Variants in LRRC4C observed in about 807,000 individuals in gnomAD.
The protein encoded by LRRC4C is leucine-rich repeat-containing protein 4C.
LRRC4C carries 5 observed loss-of-function variants against 33.6 expected under a neutral mutation model. The ratio of observed to expected loss-of-function variants is 0.15; its 90% CI spans 0.08 to 0.31. The LOEUF (loss-of-function observed/expected upper bound fraction) is 0.31, where lower values mean the gene tolerates loss of function less well. Ranked by LOEUF, LRRC4C falls within the 10% of genes least tolerant of loss-of-function variation. LRRC4C has a pLI of 1.00. For missense variants in LRRC4C, 560 were observed against 796.7 expected, an observed-to-expected ratio of 0.70 and a Z score of 3.58; for synonymous variants, 329 against 302.0, an observed-to-expected ratio of 1.09 and a Z score of -0.93.
intron 1 of LRRC4C, among the ~76,000 whole-genome samples, chr11:41,154,782 G>T (rs1219327977): frequency 6.6e-6 from 1 of 152,064 alleles, no homozygotes; most frequent in Non-Finnish European, 1.5e-5. Flanking sequence ...TATTCATTGG[G>T]ACTCGTTTTC....
intron 1 of LRRC4C, among the ~76,000 whole-genome samples, chr11:41,370,204 A>G (rs1467382717): frequency 6.6e-6 from 1 of 152,094 alleles, no homozygotes; most frequent in African/African-American, 2.4e-5. Context: ...TTTTTGGGAT[A>G]GGGTCTCACT....
intron 3 of LRRC4C, among the ~76,000 whole-genome samples, chr11:40,450,883 G>A (rs769760981): frequency 7.3e-5 from 11 of 151,498 alleles, no homozygotes; most frequent in East Asian, 1.9e-4. Flanking sequence ...GCAAACATGT[G>A]GAAGTTAAAC....
At chr11:40,745,677 A>T (rs1278155687) in intron 2 of LRRC4C, among the ~76,000 whole-genome samples, 1 of 152,186 alleles carries the variant, frequency 6.6e-6, no homozygotes, top group Non-Finnish European at 1.5e-5. Context: ...ATGTATATTT[A>T]CATGAGAAAT....
At chr11:41,353,132 T>C (rs1952041270) in intron 1 of LRRC4C, among the ~76,000 whole-genome samples, 2 of 151,846 alleles carry the variant, frequency 1.3e-5, no homozygotes, top group Admixed American at 6.6e-5. Flanking sequence ...GGCTGTTAAA[T>C]AGACTAATAA....
chr11:40,750,896 C>T (rs550217118), intron 2 of LRRC4C, among the ~76,000 whole-genome samples: 9 of 151,472 alleles, frequency 5.9e-5, no homozygotes, highest in Admixed American at 2.0e-4. Flanking sequence ...ACCAAATTTA[C>T]AGCACATCGA....
rs536111711 is a variant in LRRC4C at position 41,445,866 on chromosome 11, A to ATGTGTGTGTGTGTC, written c.-496+13564_-496+13565insGACACACACACACA. 4.5e-3 allele frequency among the ~76,000 whole-genome samples: 678 copies of ATGTGTGTGTGTGTC among 149,842 alleles called. 1 individual carries two copies. Among genetic ancestry groups the ATGTGTGTGTGTGTC allele is most frequent in the Non-Finnish European group, 6.6e-3 (446 of 67,552 alleles). On this transcript the variant is annotated intron_variant, in intron 1 of 6. Transcript: ENST00000528697. ...ACAGTGTGTATGAATGAGTGACTGC[A>ATGTGTGTGTGTGTC]TGTGTGTGTGTGTGTGTGTGTGTGT...
intron 3 of LRRC4C, chr11:40,351,541 C>T (rs1203332098): frequency 6.6e-6 from 1 of 150,988 alleles, no homozygotes; most frequent in Non-Finnish European, 1.5e-5. Flanking sequence ...CTGTCTCTCT[C>T]TTTAGCTCTA....
chr11:40,298,086 C>T (rs1382752607), intron 4 of LRRC4C, among the ~76,000 whole-genome samples: 6 of 152,166 alleles, frequency 3.9e-5, no homozygotes, highest in African/African-American at 1.2e-4. Context: ...GAAAGACCTA[C>T]ATTTTTTGGT....
intron 1 of LRRC4C, among the ~76,000 whole-genome samples, chr11:41,338,527 A>T (rs962484021): frequency 6.6e-6 from 1 of 151,936 alleles, no homozygotes; most frequent in African/African-American, 2.4e-5. Flanking sequence ...GAAATAACAC[A>T]CACTGGGGCC....
intron 2 of LRRC4C, among the ~76,000 whole-genome samples, chr11:40,904,828 G>A (rs1268363217): frequency 6.6e-6 from 1 of 152,086 alleles, no homozygotes; most frequent in Non-Finnish European, 1.5e-5. Context: ...ATTTTAGGTA[G>A]CAGATGGGAG....
intron 1 of LRRC4C, among the ~76,000 whole-genome samples, chr11:41,328,856 C>T (rs1951205998): frequency 1.3e-5 from 2 of 152,156 alleles, no homozygotes; most frequent in South Asian, 4.1e-4. Context: ...TCTGAATCAT[C>T]TTGTGGTTTG....
intron 3 of LRRC4C, among the ~76,000 whole-genome samples, chr11:40,524,013 T>G (rs115037329): frequency 6.6e-6 from 1 of 152,284 alleles, no homozygotes; most frequent in African/African-American, 2.4e-5. Flanking sequence ...TTAATGGCAA[T>G]AAAGTTGATA....
At chr11:40,457,807 T>C (rs1004929200) in intron 3 of LRRC4C, among the ~76,000 whole-genome samples, 9 of 152,184 alleles carry the variant, frequency 5.9e-5, no homozygotes, top group African/African-American at 1.4e-4. Flanking sequence ...TTAAGTTGAC[T>C]ATTTCTAAGA....
chr11:41,222,132 A>T (rs546038064), intron 1 of LRRC4C, among the ~76,000 whole-genome samples: 1 of 152,324 alleles, frequency 6.6e-6, no homozygotes, highest in South Asian at 2.1e-4. Flanking sequence ...AGAGACAAAA[A>T]CACACAATAG....
At chr11:40,597,590 T>A (rs1242063706) in intron 3 of LRRC4C, among the ~76,000 whole-genome samples, 1 of 152,030 alleles carries the variant, frequency 6.6e-6, no homozygotes, top group Non-Finnish European at 1.5e-5. Flanking sequence ...AACAGTAAGT[T>A]GAGGAACATC....
At position 40,853,133 on chromosome 11, in the gene LRRC4C, G is replaced by A. The variant is rs947471833; in HGVS notation, c.-407+80502C>T. 3.3e-4 allele frequency among the ~76,000 whole-genome samples: 50 copies of A among 152,240 alleles called. 1 individual carries two copies. The highest frequency in any genetic ancestry group is 6.5e-4 in the Non-Finnish European group (44 of 68,002). On this transcript the variant is annotated intron_variant, in intron 2 of 6. Coordinates refer to ENST00000528697, the MANE Select transcript of LRRC4C (RefSeq NM_001258419.2). ...AGCACAAAATACTAGTCAAATATTT[G>A]TGGTGCTGTTGGTGTAAACTAACCT...
Position 41,259,221 on chromosome 11 carries a change from T to A in LRRC4C, c.-496+200210A>T, listed in dbSNP as rs573990707. 2.6e-5 allele frequency among the ~76,000 whole-genome samples: 4 copies of A among 152,108 alleles called. No homozygotes were observed. The East Asian group carries it at 7.7e-4, about 29-fold the overall frequency. On this transcript the variant is annotated intron_variant, in intron 1 of 6. Coordinates refer to ENST00000528697, the MANE Select transcript of LRRC4C (RefSeq NM_001258419.2). ...CAGAGACCCTTTATTGATCACAGAT[T>A]CTTCTTCTCTTTCCCACATAAAGAA... is the stretch of plus-strand genomic sequence containing the variant.
chr11:41,172,973 C>T lies in LRRC4C; in HGVS notation c.-495-239250G>A, dbSNP rs573785692. ...TAAAATTCCGAGATGGGTCCAGAAA[C>T]CCAAGTTCCCCCAGTTAGTTAGTGA... is the stretch of plus-strand genomic sequence containing the variant. On this transcript the variant is annotated intron_variant, in intron 1 of 6. Coordinates refer to ENST00000528697, the MANE Select transcript of LRRC4C (RefSeq NM_001258419.2). Among the ~76,000 whole-genome samples the T allele has an allele frequency of 8.6e-4, 131 of 152,140 alleles. 1 individual carries two copies. The highest frequency in any genetic ancestry group is 1.2e-3 in the Non-Finnish European group (82 of 67,984).
chr11:40,322,792 G>T (rs947226284), intron 3 of LRRC4C, among the ~76,000 whole-genome samples: 6 of 152,100 alleles, frequency 3.9e-5, no homozygotes, highest in Non-Finnish European at 7.4e-5. Flanking sequence ...TTTCTATAGG[G>T]TACTTTGCTC....
Sources: gnomAD v4.1 joint callset for allele counts (sites outside exome capture counted in the v4.1 genomes callset) on GRCh38, gnomAD v4.1.1 for gene constraint, MANE v1.5 for transcripts, NCBI Gene and HGNC (gene_info 2026-07-23, HGNC 2026-07-21) for gene names.